PTK2B: variants seen among roughly 807,000 people sequenced by gnomAD.
PTK2B encodes the protein protein tyrosine kinase 2 beta.
PTK2B carries 71 observed loss-of-function variants against 142.9 expected under a neutral mutation model. The ratio of observed to expected loss-of-function variants is 0.50; its 90% confidence interval spans 0.41 to 0.61. PTK2B has a LOEUF of 0.61. Ranked by LOEUF, PTK2B falls within the 20% of genes least tolerant of loss-of-function variation. PTK2B has a pLI of 0.00. For synonymous variants in PTK2B, 519 were observed against 503.4 expected (o/e 1.03, Z -0.42); for missense variants, 1,105 against 1,320.4 (o/e 0.84, Z 2.53).
rs548687039 is a variant in PTK2B at position 27,440,395 on chromosome 8, G to A, written c.1993G>A (p.Asp665Asn). Residue 665 changes from aspartate (D) to asparagine (N), a missense_variant, in exon 21 of 31, where the codon GAC becomes AAC. Coordinates refer to ENST00000346049, the MANE Select transcript of PTK2B (RefSeq NM_173176.3). Reference sequence around the variant, plus strand: ...CCTCATGACCCGCTGCTGGGACTACGACCCCAGTGACCGGCCCCGCTTCAC... The same window carrying A: ...CCTCATGACCCGCTGCTGGGACTACAACCCCAGTGACCGGCCCCGCTTCAC... ...YTLMTRCWDY[D>N]PSDRPRFTEL... is the part of the protein sequence containing the mutation. 1.1e-5 allele frequency: 17 copies of A among 1,614,126 alleles called. No homozygotes were observed. The highest frequency in any genetic ancestry group is 8.0e-5 in the African/African-American group (6 of 75,050).
chr8:27,348,047 C>T (rs980035989), intron 1 of PTK2B, among the ~76,000 whole-genome samples: 1 of 152,190 alleles, frequency 6.6e-6, no homozygotes, highest in South Asian at 2.1e-4. Context: ...AGAGGCCTCA[C>T]GTTTCACAAA....
chr8:27,397,512 G>A (rs752810639), intron 1 of PTK2B, 36 bp from the exon 2 acceptor site: 192 of 1,526,778 alleles, frequency 1.3e-4, no homozygotes, highest in Non-Finnish European at 1.6e-4. Flanking sequence ...GCCTGTGTGG[G>A]GCTCTTTCAG....
intron 2 of PTK2B, among the ~76,000 whole-genome samples, chr8:27,407,840 T>A (rs1808817766): frequency 6.6e-6 from 1 of 152,210 alleles, no homozygotes; most frequent in Non-Finnish European, 1.5e-5. Flanking sequence ...CTACCATTTT[T>A]TGAGCACCTG....
At chr8:27,315,911 C>T (rs1324559380) in intron 3 of PTK2B, among the ~76,000 whole-genome samples, 1 of 151,810 alleles carries the variant, frequency 6.6e-6, no homozygotes, top group Non-Finnish European at 1.5e-5. Flanking sequence ...CTTAGATGCT[C>T]TGAAATTGTT....
At chr8:27,402,598 T>C (rs1442748573) in intron 2 of PTK2B, among the ~76,000 whole-genome samples, 1 of 152,202 alleles carries the variant, frequency 6.6e-6, no homozygotes, top group Non-Finnish European at 1.5e-5. Flanking sequence ...CCTGGCATCA[T>C]GGTAGCATGG....
chr8:27,422,025 T>C (rs777244287), intron 4 of PTK2B, among the ~76,000 whole-genome samples: 6 of 152,172 alleles, frequency 3.9e-5, no homozygotes, highest in Non-Finnish European at 7.4e-5. Flanking sequence ...TTTTCTTCTA[T>C]CCAAAATGGG....
In PTK2B at chr8:27,385,578, A is replaced by G. The variant is rs116228352; in HGVS notation, c.-37-11970A>G. 2.5e-3 allele frequency among the ~76,000 whole-genome samples: 374 copies of G among 152,264 alleles called. 1 individual carries two copies. The highest frequency in any genetic ancestry group is 8.3e-3 in the African/African-American group (345 of 41,558). On this transcript the variant is annotated intron_variant, in intron 1 of 30. Coordinates refer to ENST00000346049, the MANE Select transcript of PTK2B (RefSeq NM_173176.3). ...GAAGCTCAGCCCCTCTCTGTGGGCC[A>G]TGTGGAGAGTACAGAAAATAAAACT...
At chr8:27,328,249 C>T (rs1013262585) in intron 1 of PTK2B, among the ~76,000 whole-genome samples, 6 of 152,126 alleles carry the variant, frequency 3.9e-5, no homozygotes, top group African/African-American at 9.7e-5. Context: ...AAATATTCAG[C>T]GCAGACAAAT....
At chr8:27,437,920 C>T (rs756585535) in intron 18 of PTK2B, 40 bp downstream of exon 18, 1 of 1,525,380 alleles carries the variant, frequency 6.6e-7, no homozygotes, top group African/African-American at 1.4e-5. Context: ...GGAAGCCAGG[C>T]CTTCACCAGA....
intron 2 of PTK2B, among the ~76,000 whole-genome samples, chr8:27,415,720 A>G (rs1809361739): frequency 6.6e-6 from 1 of 152,250 alleles, no homozygotes. Flanking sequence ...CAGCAAGAAG[A>G]TTAGCAGAAA....
chr8:27,447,420 A>G (rs1586350719), intron 24 of PTK2B, among the ~76,000 whole-genome samples: 1 of 152,254 alleles, frequency 6.6e-6, no homozygotes, highest in Non-Finnish European at 1.5e-5. Flanking sequence ...TTTAACAAAA[A>G]TACAGAGGTG....
At position 27,420,004 on chromosome 8, in the gene PTK2B, T is replaced by C. The variant is rs371046279; in HGVS notation, c.314T>C (p.Leu105Pro). The C allele has an allele frequency of 1.2e-6, 2 of 1,614,194 alleles. No homozygotes were observed. Residue 105 changes from leucine to proline, a missense_variant, in exon 3 of 31, where the codon CTG (leucine) becomes CCG (proline). Physicochemically the swap from Leu to Pro is moderately conservative, Grantham distance 98. Transcript: ENST00000346049. ...ATGAAGTCCGATGAGATCCACTGGC[T>C]GCACCCACAGATGACGGTGGGTGAG... ...KHMKSDEIHWLHPQMTVGEVQ... is the reference protein window; with the variant it reads ...KHMKSDEIHWPHPQMTVGEVQ...
chr8:27,439,031 G>C lies in PTK2B; in HGVS notation c.1644G>C (p.Arg548Ser), dbSNP rs1176040233. 3.1e-6 allele frequency: 5 copies of C among 1,613,538 alleles called. No homozygotes were observed. Among genetic ancestry groups the C allele is most frequent in the Non-Finnish European group, 4.2e-6 (5 of 1,179,486 alleles). The change falls in exon 19 of 31, where the codon AGG becomes AGC. Residue 548 changes from arginine (R) to serine (S), a missense_variant and splice_region_variant. By Grantham distance (110) the Arg-to-Ser change is moderately radical. Coordinates refer to ENST00000346049, the MANE Select transcript of PTK2B (RefSeq NM_173176.3). The stretch of plus-strand genomic sequence containing the variant: ...CCTGGTCTTGATGCCCTTCTTCCAG[G>C]GACATTGCTGTCCGGAACATCCTGG... ...AYLESINCVHRDIAVRNILVA... is the reference protein window; with the variant it reads ...AYLESINCVHSDIAVRNILVA...
At chr8:27,440,166 TG>T in intron 20 of PTK2B, 70 bp from the exon 21 acceptor site, 1 of 1,488,422 alleles carries the variant, frequency 6.7e-7, no homozygotes, top group South Asian at 1.1e-5. Flanking sequence ...TGAGTGCTAA[TG>T]GCGATGGTGC....
intron 5 of PTK2B, 119 bp downstream of exon 5, chr8:27,422,502 A>T: frequency 1.0e-6 from 1 of 970,338 alleles, no homozygotes; most frequent in South Asian, 1.9e-5. Flanking sequence ...GGAAGGGGAG[A>T]GGTGGTGACC....
Position 27,440,255 on chromosome 8 carries a change from T to A in PTK2B, c.1853T>A (p.Ile618Asn). ...VWMFAVCMWE[I>N]LSFGKQPFFW... ...ACCCCAGCCGTGTGCATGTGGGAGATCCTGAGCTTTGGGAAGCAGCCCTTC... is the reference window on the plus strand; with the variant it reads ...ACCCCAGCCGTGTGCATGTGGGAGAACCTGAGCTTTGGGAAGCAGCCCTTC... Residue 618 changes from isoleucine (I) to asparagine (N), a missense_variant, in exon 21 of 31, where the codon ATC becomes AAC. By Grantham distance (149) the Ile-to-Asn change is moderately radical (BLOSUM62 -3). Transcript: ENST00000346049. 1 of 1,614,088 alleles carries A rather than the reference T, an allele frequency of 6.2e-7. No homozygotes were observed. The highest frequency in any genetic ancestry group is 8.5e-7 in the Non-Finnish European group (1 of 1,179,998).
chr8:27,371,337 C>T (rs915067480), intron 1 of PTK2B, among the ~76,000 whole-genome samples: 3 of 152,086 alleles, frequency 2.0e-5, no homozygotes, highest in Non-Finnish European at 4.4e-5. Flanking sequence ...ATGCCAAGGT[C>T]GGCGGCTGGA....
intron 1 of PTK2B, among the ~76,000 whole-genome samples, chr8:27,374,092 G>A (rs114044042): frequency 0.02 from 3,002 of 152,264 alleles, 104 homozygotes; most frequent in African/African-American, 0.068. Flanking sequence ...CTCCTTGGAA[G>A]TGGGAACGCT....
intron 1 of PTK2B, among the ~76,000 whole-genome samples, chr8:27,391,522 A>C (rs1222507268): frequency 6.6e-6 from 1 of 152,206 alleles, no homozygotes; most frequent in Non-Finnish European, 1.5e-5. Flanking sequence ...ACATTACCCT[A>C]CAATGTCTTC....
Sources: gnomAD v4.1 joint callset for allele counts (sites outside exome capture counted in the v4.1 genomes callset) on GRCh38, gnomAD v4.1.1 for gene constraint, MANE v1.5 for transcripts, NCBI Gene and HGNC (gene_info 2026-07-23, HGNC 2026-07-21) for gene names.